The following WDFY4 variants were observed in gnomAD, a reference collection of about 807,000 sequenced individuals.
WDFY4 encodes WDFY family member 4.
WDFY4 carries 169 observed loss-of-function variants against 351.9 expected under a neutral mutation model. The ratio of observed to expected loss-of-function variants is 0.48; its 90% CI spans 0.42 to 0.55. The LOEUF (loss-of-function observed/expected upper bound fraction) is 0.55. Among genes scored for constraint, WDFY4 ranks in the 20% least tolerant of loss-of-function variants. The pLI, the probability that WDFY4 is intolerant of heterozygous loss-of-function variation, is 0.00. For missense variants in WDFY4, 3,803 were observed against 3,935.6 expected, an observed-to-expected ratio of 0.97 and a Z score of 0.90; for synonymous variants, 1,622 against 1,574.6, an observed-to-expected ratio of 1.03 and a Z score of -0.71.
chr10:48,979,768 C>T (rs1415426228), intron 60 of WDFY4: 1 of 152,200 alleles, frequency 6.6e-6, no homozygotes, highest in African/African-American at 2.4e-5. Context: ...GTTGCACTCA[C>T]TGGTCATGGG....
chr10:48,913,335 T>G, intron 47 of WDFY4: 6 of 1,533,760 alleles, frequency 3.9e-6, no homozygotes, highest in Admixed American at 3.7e-5. Flanking sequence ...GGTAGCCCAC[T>G]GCCCTCTTCC....
intron 40 of WDFY4, among the ~76,000 whole-genome samples, chr10:48,868,433 G>C (rs1363172643): frequency 6.6e-6 from 1 of 152,104 alleles, no homozygotes; most frequent in African/African-American, 2.4e-5. Context: ...AGACCCTTTG[G>C]TTGGACAAGG....
At chr10:48,786,573 C>A in intron 19 of WDFY4, 66 bp from the exon 20 acceptor site, 1 of 1,245,910 alleles carries the variant, frequency 8.0e-7, no homozygotes, top group Non-Finnish European at 1.1e-6. Flanking sequence ...TGTTATATCA[C>A]TTTGTATTTA....
intron 44 of WDFY4, among the ~76,000 whole-genome samples, chr10:48,897,243 G>A (rs1244674618): frequency 6.6e-6 from 1 of 152,162 alleles, no homozygotes; most frequent in Non-Finnish European, 1.5e-5. Context: ...ACGTGTCAGC[G>A]GCCAGTGCTA....
intron 51 of WDFY4, among the ~76,000 whole-genome samples, chr10:48,955,154 G>T (rs947023723): frequency 6.6e-6 from 1 of 152,210 alleles, no homozygotes; most frequent in South Asian, 2.1e-4. Context: ...ACATTTCAAT[G>T]AGTGACTCGT....
chr10:48,800,733 T>TCTTTCTTTCTTTC (rs758793039), intron 24 of WDFY4, among the ~76,000 whole-genome samples: 1 of 145,624 alleles, frequency 6.9e-6, no homozygotes. Context: ...ATTCTTTCTT[T>TCTTTCTTTCTTTC]TTTTTTTTTT....
Position 48,776,849 on chromosome 10 carries a change from A to T in WDFY4, c.2963A>T (p.Glu988Val), listed in dbSNP as rs779050542. 9 of 1,551,576 alleles carry T rather than the reference A, an allele frequency of 5.8e-6. No homozygotes were observed. Among genetic ancestry groups the T allele is most frequent in the Non-Finnish European group, 7.0e-6 (8 of 1,147,006 alleles). Residue 988 changes from glutamate (E) to valine (V), a missense_variant, in exon 16 of 62, where the codon GAA (glutamate) becomes GTA (valine). By Grantham distance (121) the Glu-to-Val change is moderately radical. Around this residue, in one of 3 missense-constraint regions of WDFY4, gnomAD observed 3,054 missense variants for 3,148.6 expected, o/e 0.97. Transcript: ENST00000325239. ...ACACAGGCCCCGCAGCCCTTGGGGG[A>T]ATCCCAGGATTCAACTACTGCTCTT... ...GVTQAPQPLGESQDSTTALQT... is the reference protein window; with the variant it reads ...GVTQAPQPLGVSQDSTTALQT...
At chr10:48,929,420 A>T (rs115030903) in intron 47 of WDFY4, among the ~76,000 whole-genome samples, 3,498 of 152,228 alleles carry the variant, frequency 0.023, 131 homozygotes, top group African/African-American at 0.08. Flanking sequence ...ACTCCAGGCC[A>T]GTGAGTGTGG....
chr10:48,715,789 C>G (rs1273295918), intron 2 of WDFY4, among the ~76,000 whole-genome samples: 4 of 145,826 alleles, frequency 2.7e-5, no homozygotes, highest in African/African-American at 1.0e-4. Context: ...CCACTCCTGG[C>G]TAATTTTTCT....
intron 39 of WDFY4, among the ~76,000 whole-genome samples, chr10:48,863,985 C>A (rs2069442737): frequency 6.6e-6 from 1 of 152,104 alleles, no homozygotes; most frequent in African/African-American, 2.4e-5. Flanking sequence ...ATGGGGGAAA[C>A]CACACCATGA....
intron 30 of WDFY4, 84 bp downstream of exon 30, chr10:48,811,792 C>T (rs534044646): frequency 1.5e-6 from 2 of 1,364,730 alleles, no homozygotes; most frequent in East Asian, 5.0e-5. Flanking sequence ...ACCCTCTGCA[C>T]TTACCTCCCT....
chr10:48,833,679 ATATTC>A (rs1187500515), intron 39 of WDFY4, among the ~76,000 whole-genome samples: 2 of 152,206 alleles, frequency 1.3e-5, no homozygotes, highest in South Asian at 2.1e-4. Flanking sequence ...TGCCAGTGAT[ATATTC>A]TAATCCCAGG....
chr10:48,701,735 G>A (rs55668791), intron 1 of WDFY4, among the ~76,000 whole-genome samples: 7,088 of 152,278 alleles, frequency 0.047, 297 homozygotes, highest in African/African-American at 0.1. Flanking sequence ...TGGTGGCCCC[G>A]TGGGAAGCTA....
chr10:48,716,426 G>T (rs1489494699), intron 2 of WDFY4, among the ~76,000 whole-genome samples: 1 of 152,186 alleles, frequency 6.6e-6, no homozygotes, highest in Non-Finnish European at 1.5e-5. Flanking sequence ...GATAATGTTA[G>T]CAAATAAAAG....
intron 38 of WDFY4, 100 bp from the exon 39 acceptor site, chr10:48,832,473 G>A: frequency 2.2e-6 from 3 of 1,355,182 alleles, no homozygotes; most frequent in Middle Eastern, 1.9e-4. Flanking sequence ...CAACCACAGG[G>A]GGCTCATGCC....
chr10:48,974,690 G>A (rs1842490112), intron 57 of WDFY4, among the ~76,000 whole-genome samples, 172 bp from the exon 58 acceptor site: 1 of 151,960 alleles, frequency 6.6e-6, no homozygotes, highest in African/African-American at 2.4e-5. Flanking sequence ...GCTAGTCATG[G>A]ACACGCACAT....
At chr10:48,881,864 G>A (rs2070263144) in intron 43 of WDFY4, among the ~76,000 whole-genome samples, 1 of 152,156 alleles carries the variant, frequency 6.6e-6, no homozygotes, top group African/African-American at 2.4e-5. Context: ...CTGTCCTGGT[G>A]CGCCCATCCC....
intron 41 of WDFY4, among the ~76,000 whole-genome samples, 151 bp from the exon 42 acceptor site, chr10:48,874,937 AT>A (rs2069936650): frequency 6.6e-6 from 1 of 152,016 alleles, no homozygotes; most frequent in South Asian, 2.1e-4. Flanking sequence ...GTCCTTTAGG[AT>A]TTAGTGTTTC....
chr10:48,912,948 C>T (rs767178387), intron 47 of WDFY4, among the ~76,000 whole-genome samples: 8 of 152,260 alleles, frequency 5.3e-5, no homozygotes, highest in Non-Finnish European at 1.0e-4. Context: ...TTCTTACAAA[C>T]TCATGCTCTG....
Sources: gnomAD v4.1 joint callset for allele counts (sites outside exome capture counted in the v4.1 genomes callset) on GRCh38, gnomAD v4.1.1 for gene constraint, gnomAD v4.1.1 regional missense constraint, MANE v1.5 for transcripts, NCBI Gene and HGNC (gene_info 2026-07-23, HGNC 2026-07-21) for gene names.